Variants in TONSL observed in about 807,000 individuals in gnomAD.
TONSL encodes the protein tonsoku-like protein.
A neutral mutation model predicts 147.1 loss-of-function variants in TONSL; 112 were observed. The observed-to-expected ratio is 0.76, with a 90% CI of 0.65 to 0.89. TONSL has a LOEUF of 0.89. TONSL is among the 40% of genes least tolerant of loss of function. The pLI is 0.00. For missense variants in TONSL, 1,883 were observed against 1,864.6 expected, an observed-to-expected ratio of 1.01 and a Z score of -0.18; for synonymous variants, 868 against 801.5, an observed-to-expected ratio of 1.08 and a Z score of -1.40.
chr8:144,430,321 C>A, intron 25 of TONSL, 83 bp downstream of exon 25: 1 of 1,419,452 alleles, frequency 7.0e-7, no homozygotes. Flanking sequence ...CAGTGACAGC[C>A]CCTTAGGAGG....
intron 25 of TONSL, 86 bp downstream of exon 25, chr8:144,430,318 A>T (rs1823130655): frequency 7.2e-7 from 1 of 1,395,710 alleles, no homozygotes; most frequent in South Asian, 1.6e-5. Flanking sequence ...TAGCAGTGAC[A>T]GCCCCTTAGG....
intron 24 of TONSL, 61 bp downstream of exon 24, chr8:144,431,017 T>C (rs1823165564): frequency 2.5e-6 from 4 of 1,573,708 alleles, no homozygotes; most frequent in Non-Finnish European, 3.5e-6. Context: ...CCTTCTCCCA[T>C]AGGGTCCAGA....
Position 144,435,931 on chromosome 8 carries a change from G to A in TONSL, c.2502C>T (p.Asp834=), listed in dbSNP as rs1823432500. The A allele has an allele frequency of 1.3e-6, 2 of 1,575,012 alleles. No individual in the cohort carries two copies. The highest frequency in any genetic ancestry group is 1.3e-5 in the African/African-American group (1 of 74,186). ...LIPEEECLAG[D]WLELDMPLTR... ...TCAGGGGCATGTCCAGCTCCAGCCA[G>A]TCCCCGGCCAGGCACTCCTCCTCCG... is the stretch of plus-strand genomic sequence containing the variant. The change falls in exon 17 of 26, where the codon GAC becomes GAT. Residue 834 remains aspartate (D), a synonymous_variant. Transcript: ENST00000409379.
chr8:144,442,106 T>C lies in TONSL; in HGVS notation c.796A>G (p.Lys266Glu). The change falls in exon 7 of 26, where the codon AAG becomes GAG. Residue 266 changes from lysine (K) to glutamate (E), a missense_variant. Transcript: ENST00000409379. ...GDFLAAKRAL[K>E]KAYRLGSQKP... ...TGGGAGCCCAGCCTGTAGGCCTTCT[T>C]CAGGGCTCGCTTGGCAGCCAAAAAG... is the stretch of plus-strand genomic sequence containing the variant. 1 of 1,612,714 alleles carries C rather than the reference T, an allele frequency of 6.2e-7. No individual in the cohort carries two copies. Among genetic ancestry groups the C allele is most frequent in the Non-Finnish European group, 8.5e-7 (1 of 1,179,872 alleles).
In TONSL at chr8:144,432,404, G is replaced by C; in HGVS notation, c.3616C>G (p.Leu1206Val). 1 of 1,592,880 alleles carries C rather than the reference G, an allele frequency of 6.3e-7. No homozygotes were observed. Among genetic ancestry groups the C allele is most frequent in the South Asian group, 1.1e-5 (1 of 88,396 alleles). ...LSYNALGAPALARTLQSLPAG... is the reference protein window; with the variant it reads ...LSYNALGAPAVARTLQSLPAG... ...GGCAGGCTCTGCAGGGTCCTGGCCA[G>C]GGCAGGGGCTCCCAGGGCGTTGTAG... The change falls in exon 23 of 26, where the codon CTG becomes GTG. Residue 1206 changes from leucine (L) to valine (V), a missense_variant. Physicochemically the swap from Leu to Val is conservative, Grantham distance 32. Transcript: ENST00000409379.
At chr8:144,438,349 C>T (rs934431599) in intron 13 of TONSL, 122 bp downstream of exon 13, 8 of 972,312 alleles carry the variant, frequency 8.2e-6, no homozygotes, top group Non-Finnish European at 1.2e-5. Context: ...TGCCACCATG[C>T]TTGCTAAGGG....
intron 13 of TONSL, 105 bp from the exon 14 acceptor site, chr8:144,437,204 G>A: frequency 2.6e-6 from 3 of 1,174,064 alleles, no homozygotes; most frequent in Non-Finnish European, 2.5e-6. Context: ...CAGTCTTAGA[G>A]CCCAGAGCAA....
chr8:144,441,391 G>C, intron 7 of TONSL: 1 of 381,352 alleles, frequency 2.6e-6, no homozygotes. Context: ...AGGAGATCGA[G>C]ACCATCCTGG....
In TONSL at chr8:144,443,120, G is replaced by A. The variant is rs751449341; in HGVS notation, c.448+18C>T. Reference sequence around the variant, plus strand: ...GCCCGAAGTTCAGGAGGCAGAAAACGCGGAGGGGTCTGCCCACCCTCCAGC... The same window carrying A: ...GCCCGAAGTTCAGGAGGCAGAAAACACGGAGGGGTCTGCCCACCCTCCAGC... On this transcript the variant is annotated intron_variant, in intron 4 of 25. Coordinates refer to ENST00000409379, the MANE Select transcript of TONSL (RefSeq NM_013432.5). 1.0e-5 allele frequency: 16 copies of A among 1,544,986 alleles called. No individual in the cohort carries two copies. The African/African-American group carries it at 1.1e-4, about 11-fold the overall frequency.
intron 13 of TONSL, chr8:144,437,760 T>G (rs578214080): frequency 6.5e-6 from 1 of 153,984 alleles, no homozygotes; most frequent in Admixed American, 6.4e-5. Context: ...TGTGCCACCA[T>G]ACCCAGCTAA....
chr8:144,438,223 A>C, intron 13 of TONSL: 1 of 561,908 alleles, frequency 1.8e-6, no homozygotes, highest in Non-Finnish European at 3.2e-6. Context: ...ATTTTTTTGA[A>C]ACAGGGTCTC....
intron 13 of TONSL, among the ~76,000 whole-genome samples, chr8:144,437,420 C>A (rs573915017): frequency 6.6e-6 from 1 of 152,214 alleles, no homozygotes; most frequent in Non-Finnish European, 1.5e-5. Flanking sequence ...GGCTAGCCCC[C>A]ATCCTGGCCA....
intron 21 of TONSL, 73 bp from the exon 22 acceptor site, chr8:144,433,832 G>A: frequency 6.7e-7 from 1 of 1,489,332 alleles, no homozygotes; most frequent in Non-Finnish European, 8.9e-7. Flanking sequence ...GCTTGGCTTG[G>A]CAGTCTCTTC....
At chr8:144,433,103 C>G (rs1185327439) in intron 22 of TONSL, 1 of 155,846 alleles carries the variant, frequency 6.4e-6, no homozygotes, top group Non-Finnish European at 1.4e-5. Flanking sequence ...TTTTTTGACA[C>G]GGAGTCTTGC....
At position 144,436,026 on chromosome 8, in the gene TONSL, G is replaced by A. The variant is rs769100855; in HGVS notation, c.2407C>T (p.Gln803Ter). The A allele has an allele frequency of 9.6e-6, 15 of 1,563,712 alleles. No homozygotes were observed. The highest frequency in any genetic ancestry group is 1.3e-5 in the Non-Finnish European group (15 of 1,159,266). ...QAAIRGVGSA[Q>*]SRLGPGPPRG... ...GGTGGGCCAGGCCCCAGCCGGCTCT[G>A]AGCACTGCCCACACCCCGGATGGCT... The change falls in exon 17 of 26, where the codon CAG becomes TAG. Residue 803 changes from glutamine to a stop codon, truncating the protein, a stop_gained. Transcript: ENST00000409379. LOFTEE classifies it high-confidence loss of function.
rs773002069 is a variant in TONSL, at chr8:144,436,824, C to T, written c.1823G>A (p.Cys608Tyr). 10 of 1,611,332 alleles carry T rather than the reference C, an allele frequency of 6.2e-6. No individual in the cohort carries two copies. The highest frequency in any genetic ancestry group is 8.5e-6 in the Non-Finnish European group (10 of 1,179,942). Reference sequence around the variant, plus strand: ...CAGCTCAGCCACCTCGAAGTGGCCACAGTTGAGGGCATCGTGGAGGGGGGT... The same window carrying T: ...CAGCTCAGCCACCTCGAAGTGGCCATAGTTGAGGGCATCGTGGAGGGGGGT... ...GITPLHDALNCGHFEVAELLL... is the reference protein window; with the variant it reads ...GITPLHDALNYGHFEVAELLL... The change falls in exon 15 of 26, where the codon TGT (cysteine) becomes TAT (tyrosine). Residue 608 changes from cysteine (C) to tyrosine (Y), a missense_variant. Physicochemically the swap from Cys to Tyr is radical, Grantham distance 194 (BLOSUM62 -2). Transcript: ENST00000409379.
chr8:144,440,239 GA>G (rs1453639993), intron 10 of TONSL, 29 bp from the exon 11 acceptor site: 1 of 1,575,044 alleles, frequency 6.3e-7, no homozygotes, highest in Admixed American at 1.8e-5. Context: ...CTCAGCTCAG[GA>G]CTGGGGGCTG....
Position 144,442,276 on chromosome 8 carries a change from A to G in TONSL, c.715T>C (p.Phe239Leu), listed in dbSNP as rs1413026779. Residue 239 changes from phenylalanine (F) to leucine (L), a missense_variant, in exon 6 of 26, where the codon TTC (phenylalanine) becomes CTC (leucine). Physicochemically the swap from Phe to Leu is conservative, Grantham distance 22. Transcript: ENST00000409379. ...ACCACGCAGCACTCGCTCTCCATGA[A>G]CCGCTTCCTCATGGTGTGCGCACAC... is the stretch of plus-strand genomic sequence containing the variant. The part of the protein sequence containing the change: ...RECAHTMRKR[F>L]MESECCVVIA... 6.3e-7 allele frequency: 1 copy of G among 1,595,502 alleles called. No individual in the cohort carries two copies. Among genetic ancestry groups the G allele is most frequent in the Non-Finnish European group, 8.6e-7 (1 of 1,167,126 alleles).
At chr8:144,442,633 G>T (rs559271589) in intron 5 of TONSL, 44 bp downstream of exon 5, 1 of 1,595,622 alleles carries the variant, frequency 6.3e-7, no homozygotes, top group South Asian at 1.1e-5. Flanking sequence ...CTTCCTCCAG[G>T]AACAAGGGAC....
Sources: allele counts gnomAD v4.1 joint callset (sites outside exome capture counted in the v4.1 genomes callset), GRCh38; gene constraint gnomAD v4.1.1; transcripts MANE v1.5; gene names NCBI Gene and HGNC (gene_info 2026-07-23, HGNC 2026-07-21).